The following GAN variants were observed in gnomAD, a reference collection of about 807,000 sequenced individuals.
GAN encodes epididymis secretory sperm binding protein.
A neutral mutation model predicts 71.3 loss-of-function variants in GAN; 48 were observed. That is an observed-to-expected ratio of 0.67 (90% CI 0.53 to 0.86). The LOEUF is 0.86. GAN is among the 40% of genes least tolerant of loss of function. The probability of loss-of-function intolerance (pLI) is 0.00; values close to 1 mark genes in which losing one functional copy is unlikely to be tolerated. For synonymous variants in GAN, 386 were observed against 276.8 expected (o/e 1.39, Z -3.92); for missense variants, 928 against 770.1 (o/e 1.21, Z -2.43).
rs1904470006 is a variant in GAN, at chr16:81,388,538, C to T, written c.*10942C>T. The T allele has an allele frequency of 6.5e-6, 1 of 153,330 alleles. No individual in the cohort carries two copies. The highest frequency in any genetic ancestry group is 1.9e-4 in the East Asian group (1 of 5,218). 9.5% of individuals were successfully genotyped at this position (153,330 alleles called of 1,614,324 possible). On this transcript the variant is annotated 3_prime_UTR_variant, in exon 11 of 11. Transcript: ENST00000648994. ...TAGAATGACACCTTCCAGGCCAGCC[C>T]CAGAGGCCCTCAGGGCTCCCCCTCC...
In GAN at chr16:81,351,638, C is replaced by T. The variant is rs1910303255; in HGVS notation, c.223C>T (p.Leu75Phe). Reference sequence around the variant, plus strand: ...TGATGGATCAACTTATAAGATTGAACTTGAAGGGATATCGGTAATGGTTAT... The same window carrying T: ...TGATGGATCAACTTATAAGATTGAATTTGAAGGGATATCGGTAATGGTTAT... ...KDDGSTYKIE[L>F]EGISVMVMRE... The change falls in exon 2 of 11, where the codon CTT becomes TTT. Residue 75 changes from leucine to phenylalanine, a missense_variant. Physicochemically the swap from Leu to Phe is conservative, Grantham distance 22 (BLOSUM62 0). Coordinates refer to ENST00000648994, the MANE Select transcript of GAN (RefSeq NM_022041.4). 1.9e-6 allele frequency: 3 copies of T among 1,571,258 alleles called. No homozygotes were observed. Among genetic ancestry groups the T allele is most frequent in the Non-Finnish European group, 1.8e-6 (2 of 1,141,098 alleles).
intron 1 of GAN, among the ~76,000 whole-genome samples, chr16:81,342,357 T>A (rs969721197): frequency 2.0e-5 from 3 of 152,174 alleles, no homozygotes; most frequent in African/African-American, 7.2e-5. Context: ...ATTGCACTTA[T>A]TCTAAAATTG....
chr16:81,322,248 T>G (rs1227104126), intron 1 of GAN, among the ~76,000 whole-genome samples: 1 of 152,254 alleles, frequency 6.6e-6, no homozygotes, highest in East Asian at 1.9e-4. Flanking sequence ...TCTGTTCAAA[T>G]AAGTTAGAAA....
At chr16:81,345,135 A>T (rs1407830810) in intron 1 of GAN, among the ~76,000 whole-genome samples, 1 of 152,188 alleles carries the variant, frequency 6.6e-6, no homozygotes, top group Non-Finnish European at 1.5e-5. Context: ...AAATAGGAAC[A>T]CTTTTACACT....
chr16:81,334,437 A>G (rs1403527692), intron 1 of GAN, among the ~76,000 whole-genome samples: 1 of 152,164 alleles, frequency 6.6e-6, no homozygotes, highest in Non-Finnish European at 1.5e-5. Context: ...CTGACTTTTC[A>G]CTACATTGCA....
chr16:81,363,963 A>G lies in GAN; in HGVS notation c.1236+20A>G, dbSNP rs1555511873. On this transcript the variant is annotated intron_variant, in intron 7 of 10. Coordinates refer to ENST00000648994, the MANE Select transcript of GAN (RefSeq NM_022041.4). ...AGAAAGGTGAGGACTGCATTTTGTGATAACTAGTCTGTGTACACATTGGAT... is the reference window on the plus strand; with the variant it reads ...AGAAAGGTGAGGACTGCATTTTGTGGTAACTAGTCTGTGTACACATTGGAT... The G allele has an allele frequency of 5.0e-6, 8 of 1,593,988 alleles. No individual in the cohort carries two copies. The highest frequency in any genetic ancestry group is 2.2e-5 in the South Asian group (2 of 90,722).
In GAN at chr16:81,379,118, G is replaced by C. The variant is rs545249488; in HGVS notation, c.*1522G>C. 4 of 151,926 alleles carry C rather than the reference G, an allele frequency of 2.6e-5. No homozygotes were observed. The highest frequency in any genetic ancestry group is 9.7e-5 in the African/African-American group (4 of 41,410). The allele number at this position is 151,926 out of a possible 1,614,324, so 9.4% of individuals were successfully genotyped here. On this transcript the variant is annotated 3_prime_UTR_variant, in exon 11 of 11. Transcript: ENST00000648994. Reference sequence around the variant, plus strand: ...TAACACATGTATAAAGGTATCCTTTGGTTTTAAGTCGAGAACAGGAATTTC... The same window carrying C: ...TAACACATGTATAAAGGTATCCTTTCGTTTTAAGTCGAGAACAGGAATTTC...
chr16:81,323,295 C>T lies in GAN; in HGVS notation c.167+8015C>T, dbSNP rs529871689. 3.9e-5 allele frequency among the ~76,000 whole-genome samples: 6 copies of T among 152,238 alleles called. No homozygotes were observed. The East Asian group carries it at 7.7e-4, about 20-fold the overall frequency. ...GACCAAAGCTATCAACTTTGTTCCC[C>T]GCCTAAAAATTACAATGCCTGCTGT... On this transcript the variant is annotated intron_variant, in intron 1 of 10. Coordinates refer to ENST00000648994, the MANE Select transcript of GAN (RefSeq NM_022041.4).
intron 1 of GAN, 101 bp downstream of exon 1, chr16:81,315,381 C>T: frequency 1.2e-6 from 1 of 813,908 alleles, no homozygotes; most frequent in Non-Finnish European, 1.6e-6. Flanking sequence ...CCCCTGTCCC[C>T]GGCGCCGGGG....
At chr16:81,325,108 C>T (rs973706969) in intron 1 of GAN, among the ~76,000 whole-genome samples, 1 of 152,228 alleles carries the variant, frequency 6.6e-6, no homozygotes, top group East Asian at 1.9e-4. Context: ...TCGTCACCAA[C>T]AGATGATGTT....
chr16:81,332,675 G>A (rs936072050), intron 1 of GAN, among the ~76,000 whole-genome samples: 1 of 152,204 alleles, frequency 6.6e-6, no homozygotes, highest in Non-Finnish European at 1.5e-5. Flanking sequence ...TGTCTCCTTA[G>A]TCTCCAGTGT....
At chr16:81,361,979 G>C (rs1281291027) in intron 5 of GAN, among the ~76,000 whole-genome samples, 1 of 152,214 alleles carries the variant, frequency 6.6e-6, no homozygotes, top group African/African-American at 2.4e-5. Flanking sequence ...ACCCGGCTAA[G>C]ATTATTTTTT....
At chr16:81,359,702 AC>A (rs1432057785) in intron 5 of GAN, among the ~76,000 whole-genome samples, 1 of 151,860 alleles carries the variant, frequency 6.6e-6, no homozygotes, top group African/African-American at 2.4e-5. Context: ...GCATTCCAAG[AC>A]CCCCGAGTGG....
At position 81,362,709 on chromosome 16, in the gene GAN, T is replaced by C. The variant is rs866574819; in HGVS notation, c.1086+98T>C. 3.7e-5 allele frequency: 28 copies of C among 766,378 alleles called. No individual in the cohort carries two copies. In the Middle Eastern group the frequency reaches 5.4e-3, roughly 147 times the overall value. 47.5% of individuals were successfully genotyped at this position (766,378 alleles called of 1,614,324 possible). On this transcript the variant is annotated intron_variant, in intron 6 of 10. Transcript: ENST00000648994. ...GAGTTCAGGGAAGAAACGGCAGCCT[T>C]GTCAAGCCACCTGCCTCATTCGCTC...
At chr16:81,361,933 T>C (rs1322260019) in intron 5 of GAN, among the ~76,000 whole-genome samples, 2 of 152,232 alleles carry the variant, frequency 1.3e-5, no homozygotes, top group Non-Finnish European at 2.9e-5. Flanking sequence ...CAAGCAGTCC[T>C]TGTAGCTTGG....
intron 1 of GAN, among the ~76,000 whole-genome samples, chr16:81,324,910 G>C (rs1327493242): frequency 6.6e-6 from 1 of 152,230 alleles, no homozygotes; most frequent in African/African-American, 2.4e-5. Context: ...TGTTCAGATG[G>C]AAAGTGGGAT....
chr16:81,355,969 G>C (rs1268884857), intron 3 of GAN, among the ~76,000 whole-genome samples: 2 of 152,152 alleles, frequency 1.3e-5, no homozygotes, highest in Non-Finnish European at 2.9e-5. Context: ...AAAGGAGATA[G>C]AAAAATGAGA....
At chr16:81,362,443 G>T in intron 5 of GAN, 56 bp from the exon 6 acceptor site, 1 of 861,330 alleles carries the variant, frequency 1.2e-6, no homozygotes, top group Non-Finnish European at 2.0e-6. Context: ...ATGCTGTGGC[G>T]TTTATGGGTG....
At chr16:81,318,055 T>G (rs150437790) in intron 1 of GAN, among the ~76,000 whole-genome samples, 1 of 152,304 alleles carries the variant, frequency 6.6e-6, no homozygotes, top group Non-Finnish European at 1.5e-5. Flanking sequence ...AGAAAGAAAT[T>G]TGTTAATTTT....
Sources: allele counts gnomAD v4.1 joint callset (sites outside exome capture counted in the v4.1 genomes callset), GRCh38; gene constraint gnomAD v4.1.1; transcripts MANE v1.5; gene names NCBI Gene and HGNC (gene_info 2026-07-23, HGNC 2026-07-21).